TAFA5: variants seen among roughly 807,000 people sequenced by gnomAD.
TAFA5 encodes TAFA chemokine like family member 5, also known as chemokine-like protein TAFA-5.
TAFA5 carries 6 observed loss-of-function variants against 15.3 expected under a neutral mutation model. The observed-to-expected ratio is 0.39, with a 90% CI of 0.21 to 0.77. The LOEUF (loss-of-function observed/expected upper bound fraction) is 0.77. Ranked by LOEUF, TAFA5 falls within the 30% of genes least tolerant of loss-of-function variation. The probability of loss-of-function intolerance (pLI) is 0.41; values close to 1 mark genes in which losing one functional copy is unlikely to be tolerated. For synonymous variants in TAFA5, 103 were observed against 80.7 expected (o/e 1.28, Z -1.48); for missense variants, 161 against 193.1 (o/e 0.83, Z 0.98).
chr22:48,520,174 C>A (rs943962534), intron 1 of TAFA5, among the ~76,000 whole-genome samples: 3 of 152,258 alleles, frequency 2.0e-5, no homozygotes, highest in Admixed American at 2.0e-4. Context: ...CCTGGAGCTC[C>A]CAGAAGGAAC....
chr22:48,645,533 A>G (rs1176135663), intron 1 of TAFA5, among the ~76,000 whole-genome samples: 1 of 152,026 alleles, frequency 6.6e-6, no homozygotes, highest in African/African-American at 2.4e-5. Flanking sequence ...CCTTTGGAAG[A>G]AATGTGTCCC....
chr22:48,674,799 GC>G (rs1335702580), intron 2 of TAFA5, among the ~76,000 whole-genome samples: 5 of 152,162 alleles, frequency 3.3e-5, no homozygotes, highest in Non-Finnish European at 7.3e-5. Flanking sequence ...ATAAGAACAA[GC>G]CTGGCCCGAT....
At chr22:48,659,895 A>T (rs189269548) in intron 2 of TAFA5, among the ~76,000 whole-genome samples, 150 of 152,380 alleles carry the variant, frequency 9.8e-4, no homozygotes, top group Admixed American at 2.5e-3. Context: ...ATTAAATAAC[A>T]TAATGAAAAA....
In TAFA5 at chr22:48,655,831, T is replaced by TTTTTTTTG. The variant is rs1491332391; in HGVS notation, c.262+9092_262+9093insGTTTTTTT. Among the ~76,000 whole-genome samples, 4 of 49,970 alleles carry TTTTTTTTG rather than the reference T, an allele frequency of 8.0e-5. 2 individuals carry two copies. 32.8% of individuals were successfully genotyped at this position (49,970 alleles called of 152,430 possible). ...GCTTCCTGAAGCCAAACACTGATTC[T>TTTTTTTTG]TTTTTTTTTTTTTTTTTTTTTTTTT... On this transcript the variant is annotated intron_variant, in intron 2 of 3. Coordinates refer to ENST00000402357, the MANE Select transcript of TAFA5 (RefSeq NM_001082967.3).
intron 2 of TAFA5, among the ~76,000 whole-genome samples, chr22:48,667,430 T>TA (rs926307737): frequency 2.6e-5 from 4 of 152,062 alleles, no homozygotes; most frequent in African/African-American, 9.7e-5. Context: ...GAAATAGCCG[T>TA]AACTGTGATA....
intron 1 of TAFA5, among the ~76,000 whole-genome samples, chr22:48,588,467 T>A (rs1924440479): frequency 6.6e-6 from 1 of 152,124 alleles, no homozygotes; most frequent in Non-Finnish European, 1.5e-5. Flanking sequence ...TTGCTCGCAG[T>A]GGGAGGGGTC....
intron 1 of TAFA5, among the ~76,000 whole-genome samples, chr22:48,628,605 T>C (rs1024059945): frequency 6.6e-6 from 1 of 152,196 alleles, no homozygotes; most frequent in African/African-American, 2.4e-5. Context: ...GGAGAGGCGA[T>C]GCTTGGACCT....
rs1032726077 is a variant in TAFA5, at chr22:48,510,708, C to A, written c.112+21004C>A. On this transcript the variant is annotated intron_variant, in intron 1 of 3. Coordinates refer to ENST00000402357, the MANE Select transcript of TAFA5 (RefSeq NM_001082967.3). ...CTCCTCCAGGATGCTCCCCTGGCTT[C>A]CCTCCCCCATGCTCCCTGTGCTCTG... 3.9e-5 allele frequency among the ~76,000 whole-genome samples: 6 copies of A among 152,274 alleles called. No homozygotes were observed. In the South Asian group the frequency reaches 6.2e-4, roughly 16 times the overall value.
At chr22:48,676,728 C>T (rs743055) in intron 2 of TAFA5, among the ~76,000 whole-genome samples, 27,289 of 152,194 alleles carry the variant, frequency 0.18, 2,923 homozygotes, top group Admixed American at 0.28. Flanking sequence ...AGCGGGTATG[C>T]ACTGCTCATG....
At chr22:48,729,006 G>A (rs1328839456) in intron 3 of TAFA5, among the ~76,000 whole-genome samples, 1 of 152,056 alleles carries the variant, frequency 6.6e-6, no homozygotes, top group Non-Finnish European at 1.5e-5. Flanking sequence ...TGCATAGCTA[G>A]TGTATCGATC....
chr22:48,626,585 C>T (rs1238621669), intron 1 of TAFA5, among the ~76,000 whole-genome samples: 2 of 152,192 alleles, frequency 1.3e-5, no homozygotes, highest in African/African-American at 2.4e-5. Context: ...CTCCAGATAA[C>T]AATTCTTCAT....
chr22:48,686,437 T>G (rs1431582377), intron 2 of TAFA5, among the ~76,000 whole-genome samples: 1 of 152,214 alleles, frequency 6.6e-6, no homozygotes, highest in African/African-American at 2.4e-5. Flanking sequence ...AGGTCCTTTT[T>G]GTAAGGGCAC....
At chr22:48,556,182 T>C (rs903863244) in intron 1 of TAFA5, among the ~76,000 whole-genome samples, 4 of 152,018 alleles carry the variant, frequency 2.6e-5, no homozygotes, top group African/African-American at 9.7e-5. Context: ...GGAGAAGAAT[T>C]TGTCCTGGGG....
At chr22:48,676,373 C>T (rs2147225775) in intron 2 of TAFA5, among the ~76,000 whole-genome samples, 1 of 152,344 alleles carries the variant, frequency 6.6e-6, no homozygotes, top group South Asian at 2.1e-4. Flanking sequence ...GGCCAGCAGA[C>T]ATGCCTCTTA....
intron 3 of TAFA5, among the ~76,000 whole-genome samples, chr22:48,729,989 C>T (rs937002308): frequency 1.2e-4 from 19 of 152,094 alleles, no homozygotes; most frequent in African/African-American, 4.3e-4. Context: ...TCTGGGGATC[C>T]GTGTCCCTGG....
intron 2 of TAFA5, among the ~76,000 whole-genome samples, chr22:48,694,059 C>G (rs939787049): frequency 2.6e-5 from 4 of 152,214 alleles, no homozygotes; most frequent in African/African-American, 9.6e-5. Flanking sequence ...CACGCGGAGG[C>G]TGACTGCATC....
intron 3 of TAFA5, among the ~76,000 whole-genome samples, chr22:48,743,399 T>C (rs1248209244): frequency 6.6e-6 from 1 of 152,186 alleles, no homozygotes; most frequent in Non-Finnish European, 1.5e-5. Flanking sequence ...GATTTCCTTC[T>C]CCCTGTAAGG....
At chr22:48,705,248 G>A (rs1188431448) in intron 2 of TAFA5, among the ~76,000 whole-genome samples, 1 of 152,076 alleles carries the variant, frequency 6.6e-6, no homozygotes, top group Non-Finnish European at 1.5e-5. Flanking sequence ...GCCGGGGGTG[G>A]GGTGGGGCAG....
Position 48,654,385 on chromosome 22 carries a change from C to T in TAFA5, c.262+7639C>T, listed in dbSNP as rs1362996224. ...GCACGTGGGATGCATCGTCCACGGG[C>T]CTACAGGGTTTGGAAGGAGCACGCC... is the stretch of plus-strand genomic sequence containing the variant. On this transcript the variant is annotated intron_variant, in intron 2 of 3. Coordinates refer to ENST00000402357, the MANE Select transcript of TAFA5 (RefSeq NM_001082967.3). 5.9e-5 allele frequency among the ~76,000 whole-genome samples: 9 copies of T among 152,334 alleles called. No individual in the cohort carries two copies. The East Asian group carries it at 1.7e-3, about 30-fold the overall frequency.
Sources: gnomAD v4.1 joint callset for allele counts (sites outside exome capture counted in the v4.1 genomes callset) on GRCh38, gnomAD v4.1.1 for gene constraint, MANE v1.5 for transcripts, NCBI Gene and HGNC (gene_info 2026-07-23, HGNC 2026-07-21) for gene names.